Variants in STK32B observed in about 807,000 individuals in gnomAD.
STK32B encodes the protein serine/threonine-protein kinase 32B.
In STK32B, 43 loss-of-function variants were observed where a neutral mutation model predicts 52.6. The observed-to-expected ratio is 0.82, with a 90% CI of 0.64 to 1.05. The LOEUF (loss-of-function observed/expected upper bound fraction) is 1.05. Ranked by LOEUF, STK32B falls within the 50% of genes least tolerant of loss-of-function variation. The probability of loss-of-function intolerance (pLI) is 0.00; values close to 1 mark genes in which losing one functional copy is unlikely to be tolerated. For synonymous variants in STK32B, 238 were observed against 204.3 expected (o/e 1.17, Z -1.41); for missense variants, 621 against 534.6 (o/e 1.16, Z -1.59).
At chr4:5,092,758 A>G (rs1008581240) in intron 1 of STK32B, among the ~76,000 whole-genome samples, 3 of 152,100 alleles carry the variant, frequency 2.0e-5, no homozygotes, top group Non-Finnish European at 2.9e-5. Context: ...AACAGCACCA[A>G]GGAGATGGTG....
At chr4:5,317,352 A>T (rs1215233657) in intron 3 of STK32B, among the ~76,000 whole-genome samples, 5 of 41,812 alleles carry the variant, frequency 1.2e-4, no homozygotes, top group South Asian at 6.3e-4. Flanking sequence ...CATATATATA[A>T]TATATATAAT....
In STK32B at chr4:5,327,102, A is replaced by G. The variant is rs371869812; in HGVS notation, c.261-4118A>G. ...TCAACTCCTCATCTCTTAACGTTTT[A>G]TCGTGAGATGGCAGCAATTTAGTCA... On this transcript the variant is annotated intron_variant, in intron 3 of 11. Coordinates refer to ENST00000282908, the MANE Select transcript of STK32B (RefSeq NM_018401.3). Among the ~76,000 whole-genome samples the G allele has an allele frequency of 7.2e-5, 11 of 152,126 alleles. No homozygotes were observed. In the East Asian group the frequency reaches 1.5e-3, roughly 21 times the overall value.
intron 7 of STK32B, among the ~76,000 whole-genome samples, chr4:5,456,422 G>A (rs867498966): frequency 7.9e-5 from 12 of 152,242 alleles, no homozygotes; most frequent in African/African-American, 2.9e-4. Flanking sequence ...CAGCAAGTGG[G>A]GGCTATGACT....
At chr4:5,037,558 T>C in the STK32B span, among the ~76,000 whole-genome samples, 2 of 152,196 alleles carry the variant, frequency 1.3e-5, no homozygotes, top group African/African-American at 4.8e-5. Flanking sequence ...TCACTGCTAA[T>C]AAATATCAAT....
At chr4:5,364,763 C>G (rs1416859259) in intron 4 of STK32B, among the ~76,000 whole-genome samples, 1 of 152,170 alleles carries the variant, frequency 6.6e-6, no homozygotes, top group African/African-American at 2.4e-5. Flanking sequence ...AAATGCTACT[C>G]CAGTCCCAAC....
At chr4:5,409,328 A>T (rs1489515311) in intron 5 of STK32B, among the ~76,000 whole-genome samples, 1 of 152,114 alleles carries the variant, frequency 6.6e-6, no homozygotes, top group Non-Finnish European at 1.5e-5. Flanking sequence ...TGCCTCCTGG[A>T]GTCATTGCAA....
chr4:5,437,473 C>T (rs944457993), intron 6 of STK32B, among the ~76,000 whole-genome samples: 2 of 152,340 alleles, frequency 1.3e-5, no homozygotes, highest in East Asian at 3.9e-4. Flanking sequence ...CAGATCTTTC[C>T]TTTCTCTTAT....
Position 5,399,331 on chromosome 4 carries a change from T to A in STK32B, c.472+1087T>A, listed in dbSNP as rs1221343139. 6.6e-6 allele frequency among the ~76,000 whole-genome samples: 1 copy of A among 152,022 alleles called. No homozygotes were observed. The highest frequency in any genetic ancestry group is 2.4e-5 in the African/African-American group (1 of 41,360). ...CCTTCCCCACCTCTGCAGGCTGAGGTCATGGTTCTATCTCAGAGCTCCTCT... is the reference window on the plus strand; with the variant it reads ...CCTTCCCCACCTCTGCAGGCTGAGGACATGGTTCTATCTCAGAGCTCCTCT... On this transcript the variant is annotated intron_variant, in intron 5 of 11. Transcript: ENST00000282908. The surrounding 1 kb of genome is among the most constrained non-coding windows in gnomAD (Gnocchi z 5.4).
At chr4:5,443,559 A>G (rs1488551850) in intron 6 of STK32B, among the ~76,000 whole-genome samples, 4 of 151,992 alleles carry the variant, frequency 2.6e-5, no homozygotes, top group South Asian at 2.1e-4. Flanking sequence ...ATGTCCTCCC[A>G]TAGCTCAGAG....
At chr4:5,080,386 T>G in intron 1 of STK32B, among the ~76,000 whole-genome samples, 1 of 152,184 alleles carries the variant, frequency 6.6e-6, no homozygotes, top group East Asian at 1.9e-4. Context: ...CTTCAGGACA[T>G]TTGCACTTGC....
At chr4:5,251,238 G>T (rs566035465) in intron 3 of STK32B, among the ~76,000 whole-genome samples, 1 of 152,120 alleles carries the variant, frequency 6.6e-6, no homozygotes, top group Non-Finnish European at 1.5e-5. Context: ...TTTTGTATAT[G>T]GTGTAAGGAA....
chr4:5,316,718 TA>T lies in STK32B; in HGVS notation c.261-14500del, dbSNP rs1427464405. On this transcript the variant is annotated intron_variant, in intron 3 of 11. Transcript: ENST00000282908. ...TATCATATTATAATATATAATATAA[TA>T]ATATATTATATAATATCTTATATAA... Among the ~76,000 whole-genome samples the T allele has an allele frequency of 3.9e-4, 6 of 15,282 alleles. 1 individual carries two copies. The highest frequency in any genetic ancestry group is 2.5e-3 in the African/African-American group (6 of 2,416). 10.0% of individuals were successfully genotyped at this position (15,282 alleles called of 152,430 possible).
chr4:5,318,318 C>T (rs1286666381), intron 3 of STK32B, among the ~76,000 whole-genome samples: 1 of 151,980 alleles, frequency 6.6e-6, no homozygotes, highest in Non-Finnish European at 1.5e-5. Context: ...GAAGGCCTGC[C>T]TGGGGAGTTG....
intron 3 of STK32B, among the ~76,000 whole-genome samples, chr4:5,191,940 A>G (rs1721240709): frequency 6.6e-6 from 1 of 152,212 alleles, no homozygotes; most frequent in African/African-American, 2.4e-5. Context: ...CAACAGGGGC[A>G]TGGCACATGC....
chr4:5,496,211 T>A (rs890032067), intron 11 of STK32B, among the ~76,000 whole-genome samples: 2 of 152,252 alleles, frequency 1.3e-5, no homozygotes, highest in Admixed American at 6.5e-5. Flanking sequence ...CAAGCCTCCT[T>A]GAGCTGTGGT....
At chr4:5,177,967 C>G (rs73212005) in intron 3 of STK32B, among the ~76,000 whole-genome samples, 28,577 of 152,150 alleles carry the variant, frequency 0.19, 3,382 homozygotes, top group East Asian at 0.31. Context: ...GGTGCATGGT[C>G]CAATTTGTCA....
chr4:5,483,107 G>A (rs1718856718), intron 11 of STK32B, among the ~76,000 whole-genome samples: 1 of 152,020 alleles, frequency 6.6e-6, no homozygotes, highest in Non-Finnish European at 1.5e-5. Context: ...CTCATAAAAT[G>A]AGTTAGGGAG....
At chr4:5,130,399 G>A (rs999314799) in intron 1 of STK32B, among the ~76,000 whole-genome samples, 3 of 151,920 alleles carry the variant, frequency 2.0e-5, no homozygotes, top group African/African-American at 7.3e-5. Context: ...ATGGTGAGGA[G>A]CATGGATCTT....
chr4:5,141,612 G>A (rs917589439), intron 2 of STK32B, among the ~76,000 whole-genome samples: 1 of 152,180 alleles, frequency 6.6e-6, no homozygotes, highest in African/African-American at 2.4e-5. Context: ...GCCTGGGAGG[G>A]GCCACAGCAG....
Sources: gnomAD v4.1 joint callset for allele counts (sites outside exome capture counted in the v4.1 genomes callset) on GRCh38, gnomAD v4.1.1 for gene constraint, Gnocchi (gnomAD v3.1) non-coding constraint, MANE v1.5 for transcripts, NCBI Gene and HGNC (gene_info 2026-07-23, HGNC 2026-07-21) for gene names.